Variants in SYNE2 observed in about 807,000 individuals in gnomAD.
The protein encoded by SYNE2 is nesprin-2.
A neutral mutation model predicts 856.3 loss-of-function variants in SYNE2; 431 were observed. The observed-to-expected ratio is 0.50, with a 90% CI of 0.47 to 0.55. The LOEUF is 0.55. SYNE2 is among the 20% of genes least tolerant of loss of function. The probability of loss-of-function intolerance (pLI) is 0.00; values close to 1 mark genes in which losing one functional copy is unlikely to be tolerated. For missense variants in SYNE2, 8,129 were observed against 8,023.2 expected (o/e 1.01, Z -0.50); for synonymous variants, 2,923 against 2,872.3 (o/e 1.02, Z -0.56).
intron 67 of SYNE2, among the ~76,000 whole-genome samples, chr14:64,120,574 G>GCC (rs2097890632): frequency 6.6e-6 from 1 of 152,116 alleles, no homozygotes; most frequent in Admixed American, 6.6e-5. Context: ...GACCAGTCTG[G>GCC]CCAACATGGT....
At position 64,055,432 on chromosome 14, in the gene SYNE2, G is replaced by A. The variant is rs796858238; in HGVS notation, c.9745-512G>A. 1.3e-3 allele frequency among the ~76,000 whole-genome samples: 189 copies of A among 147,920 alleles called. 2 individuals carry two copies. Among genetic ancestry groups the A allele is most frequent in the African/African-American group, 4.1e-3 (164 of 39,720 alleles). ...CACCCAGGCTGGAGTGCAGTGGCGC[G>A]ATCTCGGCTCACTGCAACCTCCGCC... is the stretch of plus-strand genomic sequence containing the variant. On this transcript the variant is annotated intron_variant, in intron 48 of 115. Coordinates refer to ENST00000555002, the MANE Select transcript of SYNE2 (RefSeq NM_182914.3).
At chr14:64,215,844 C>A in intron 107 of SYNE2, 1 of 816,546 alleles carries the variant, frequency 1.2e-6, no homozygotes, top group Non-Finnish European at 1.7e-6. Flanking sequence ...TCCCTATCTG[C>A]CATGGTGGGT....
intron 46 of SYNE2, 112 bp downstream of exon 46, chr14:64,048,267 C>A: frequency 1.0e-6 from 1 of 989,506 alleles, no homozygotes; most frequent in Non-Finnish European, 1.5e-6. Flanking sequence ...CTTATTTAAC[C>A]TTTGCCTGAT....
At chr14:63,781,029 C>A (rs750471382) in intron 1 of SYNE2, among the ~76,000 whole-genome samples, 1 of 152,114 alleles carries the variant, frequency 6.6e-6, no homozygotes, top group African/African-American at 2.4e-5. Flanking sequence ...GTAATCCCAG[C>A]CCTTTGGGAG....
intron 45 of SYNE2, among the ~76,000 whole-genome samples, chr14:64,042,756 CCT>C (rs1397207696): frequency 1.4e-5 from 1 of 72,990 alleles, no homozygotes; most frequent in Non-Finnish European, 4.2e-5. Context: ...ATCCATTAAA[CCT>C]CTTTCTTTTT....
chr14:64,021,393 A>G lies in SYNE2; in HGVS notation c.5230A>G (p.Ser1744Gly). The change falls in exon 36 of 116, where the codon AGT becomes GGT. Residue 1744 changes from serine to glycine, a missense_variant. Ser to Gly is a moderately conservative substitution (Grantham distance 56). Around this residue, in one of 3 missense-constraint regions of SYNE2, gnomAD observed 2,422 missense variants for 2,357.4 expected, o/e 1.03. Coordinates refer to ENST00000555002, the MANE Select transcript of SYNE2 (RefSeq NM_182914.3). ...LTGESNCHAL[S>G]GSTAELREDL... is the part of the protein sequence containing the mutation. ...AGGAGAATCCAACTGCCATGCACTC[A>G]GTGGCAGCACTGCTGAGCTAAGGGA... is the stretch of plus-strand genomic sequence containing the variant. 6.2e-7 allele frequency: 1 copy of G among 1,614,058 alleles called. No homozygotes were observed. Among genetic ancestry groups the G allele is most frequent in the East Asian group, 2.2e-5 (1 of 44,890 alleles).
intron 2 of SYNE2, among the ~76,000 whole-genome samples, chr14:63,940,285 A>G (rs1014803290): frequency 1.7e-4 from 26 of 151,968 alleles, no homozygotes; most frequent in Non-Finnish European, 1.5e-4. Context: ...CAAACTCCTG[A>G]GCTCACACGA....
chr14:63,895,774 C>CAAAAA (rs2095241432), intron 1 of SYNE2, among the ~76,000 whole-genome samples: 1 of 39,672 alleles, frequency 2.5e-5, no homozygotes, highest in African/African-American at 1.2e-4. Flanking sequence ...CTCCAAATCT[C>CAAAAA]CAAAAAAAAA....
At chr14:63,853,619 G>A (rs1209098034) in intron 1 of SYNE2, among the ~76,000 whole-genome samples, 1 of 151,712 alleles carries the variant, frequency 6.6e-6, no homozygotes, top group East Asian at 1.9e-4. Context: ...CTGGAAGGCG[G>A]ACAGCCGCGG....
rs200660899 is a variant in SYNE2 at position 64,052,413 on chromosome 14, G to A, written c.8500G>A (p.Glu2834Lys). 14 of 1,613,102 alleles carry A rather than the reference G, an allele frequency of 8.7e-6. No individual in the cohort carries two copies. The East Asian group carries it at 3.1e-4, about 36-fold the overall frequency. The change falls in exon 48 of 116, where the codon GAA (glutamate) becomes AAA (lysine). Residue 2834 changes from glutamate (E) to lysine (K), a missense_variant. By Grantham distance (56) the Glu-to-Lys change is moderately conservative. Coordinates refer to ENST00000555002, the MANE Select transcript of SYNE2 (RefSeq NM_182914.3). ...ATCACAGCAATTAGAATTTAAGTTGGAAGAAAGAAGCAATTTTTTTGCTAT... is the reference window on the plus strand; with the variant it reads ...ATCACAGCAATTAGAATTTAAGTTGAAAGAAAGAAGCAATTTTTTTGCTAT... ...QRSQQLEFKL[E>K]ERSNFFAIIR...
At chr14:64,127,007 C>G (rs2097952950) in intron 73 of SYNE2, among the ~76,000 whole-genome samples, 200 bp downstream of exon 73, 1 of 152,198 alleles carries the variant, frequency 6.6e-6, no homozygotes, top group Admixed American at 6.5e-5. Flanking sequence ...GCCTGTAATC[C>G]TAGCACTTTG....
chr14:63,809,622 C>T (rs1595131636), intron 1 of SYNE2, among the ~76,000 whole-genome samples: 1 of 152,184 alleles, frequency 6.6e-6, no homozygotes, highest in African/African-American at 2.4e-5. Context: ...GCCTCATCCT[C>T]CCAAGTAGCT....
intron 61 of SYNE2, among the ~76,000 whole-genome samples, chr14:64,094,325 C>T (rs911194265): frequency 4.0e-5 from 6 of 151,568 alleles, no homozygotes; most frequent in African/African-American, 1.5e-4. Flanking sequence ...CAGAGTGAGA[C>T]TCCGTCTCAA....
chr14:64,204,871 G>A (rs537638962), intron 100 of SYNE2, among the ~76,000 whole-genome samples: 1 of 152,302 alleles, frequency 6.6e-6, no homozygotes, highest in South Asian at 2.1e-4. Context: ...TAAGATCAGG[G>A]TGTCATCAGG....
intron 114 of SYNE2, among the ~76,000 whole-genome samples, chr14:64,224,751 G>T (rs988909883): frequency 6.6e-6 from 1 of 152,062 alleles, no homozygotes; most frequent in Non-Finnish European, 1.5e-5. Context: ...TTATAGTGTC[G>T]CTAAAGGGGT....
chr14:64,096,372 G>A (rs1170245504), intron 61 of SYNE2, among the ~76,000 whole-genome samples: 1 of 152,180 alleles, frequency 6.6e-6, no homozygotes, highest in African/African-American at 2.4e-5. Context: ...TGTCAGTATG[G>A]TGTAAAAGGC....
At chr14:63,858,322 G>C (rs965635696) in intron 1 of SYNE2, among the ~76,000 whole-genome samples, 2 of 117,944 alleles carry the variant, frequency 1.7e-5, no homozygotes, top group African/African-American at 3.3e-5. Context: ...GGGTTTCACT[G>C]TGTTGGCCAG....
intron 1 of SYNE2, among the ~76,000 whole-genome samples, chr14:63,895,698 G>A (rs2095239599): frequency 6.8e-6 from 1 of 146,338 alleles, no homozygotes; most frequent in Non-Finnish European, 1.5e-5. Context: ...AGTCCAGGAG[G>A]CAAAGGTGGC....
chr14:63,824,228 A>G (rs930983646), intron 1 of SYNE2, among the ~76,000 whole-genome samples: 13 of 152,134 alleles, frequency 8.5e-5, no homozygotes, highest in African/African-American at 3.1e-4. Flanking sequence ...AGTCCCAGCT[A>G]CTTGGGAGGC....
Sources: allele counts gnomAD v4.1 joint callset (sites outside exome capture counted in the v4.1 genomes callset), GRCh38; gene constraint gnomAD v4.1.1; regional missense constraint gnomAD v4.1.1; transcripts MANE v1.5; gene names NCBI Gene and HGNC (gene_info 2026-07-23, HGNC 2026-07-21).